Variants in ARHGAP15 observed in about 807,000 individuals in gnomAD.
ARHGAP15 encodes rho GTPase-activating protein 15.
In ARHGAP15, 51 loss-of-function variants were observed where a neutral mutation model predicts 63.7. That is an observed-to-expected ratio of 0.80 (90% CI 0.64 to 1.01). The LOEUF (loss-of-function observed/expected upper bound fraction) is 1.01. ARHGAP15 is among the 50% of genes least tolerant of loss of function. The pLI is 0.00. For synonymous variants in ARHGAP15, 191 were observed against 193.8 expected, an observed-to-expected ratio of 0.99 and a Z score of 0.12; for missense variants, 560 against 564.6, an observed-to-expected ratio of 0.99 and a Z score of 0.08.
chr2:143,394,155 T>G (rs1687661988), intron 6 of ARHGAP15, among the ~76,000 whole-genome samples: 1 of 152,210 alleles, frequency 6.6e-6, no homozygotes, highest in African/African-American at 2.4e-5. Context: ...TGGACTTCTT[T>G]GCTCATCCAG....
At chr2:143,508,206 C>T (rs1282241375) in intron 9 of ARHGAP15, among the ~76,000 whole-genome samples, 1 of 152,190 alleles carries the variant, frequency 6.6e-6, no homozygotes, top group East Asian at 1.9e-4. Flanking sequence ...TCAGGCCTTC[C>T]TGCTCCTCCT....
rs80136139 is a variant in ARHGAP15 at position 143,283,645 on chromosome 2, A to G, written c.474+33045A>G. ...AAGACATTTTACTTCCACCTGTAAT[A>G]ATATTAAGGCTTTACTTCTTCAACA... is the stretch of plus-strand genomic sequence containing the variant. On this transcript the variant is annotated intron_variant, in intron 6 of 13. Transcript: ENST00000295095. Among the ~76,000 whole-genome samples the G allele has an allele frequency of 3.8e-3, 582 of 152,266 alleles. 5 individuals carry two copies. Among genetic ancestry groups the G allele is most frequent in the African/African-American group, 0.013 (552 of 41,552 alleles).
intron 6 of ARHGAP15, among the ~76,000 whole-genome samples, chr2:143,385,752 T>TC (rs1410649542): frequency 6.6e-6 from 1 of 152,082 alleles, no homozygotes; most frequent in East Asian, 1.9e-4. Flanking sequence ...TTTGTTTGTA[T>TC]TAGATGAAAC....
At chr2:143,245,514 G>C (rs796157346) in intron 5 of ARHGAP15, among the ~76,000 whole-genome samples, 9 of 152,220 alleles carry the variant, frequency 5.9e-5, no homozygotes, top group African/African-American at 2.2e-4. Context: ...TGAGCAAACA[G>C]AGAACATGAA....
intron 10 of ARHGAP15, among the ~76,000 whole-genome samples, chr2:143,543,737 C>T (rs1421068156): frequency 6.6e-6 from 1 of 151,856 alleles, no homozygotes; most frequent in Non-Finnish European, 1.5e-5. Context: ...GACAAAATCC[C>T]CCAGAAGCTG....
rs201776612 is a variant in ARHGAP15, at chr2:143,248,842, TA to T, written c.385-1668del. 4.4e-4 allele frequency among the ~76,000 whole-genome samples: 67 copies of T among 152,296 alleles called. 1 individual carries two copies. The East Asian group carries it at 0.011, about 25-fold the overall frequency. ...ACGAATTATCAATAATTGTTGTACGTAGGTAAGTACCTGGAACATAAAAAGT... is the reference window on the plus strand; with the variant it reads ...ACGAATTATCAATAATTGTTGTACGTGGTAAGTACCTGGAACATAAAAAGT... On this transcript the variant is annotated intron_variant, in intron 5 of 13. Transcript: ENST00000295095.
intron 12 of ARHGAP15, among the ~76,000 whole-genome samples, chr2:143,626,465 C>A (rs1438280382): frequency 6.6e-6 from 1 of 152,114 alleles, no homozygotes; most frequent in East Asian, 1.9e-4. Context: ...TGTTACAGCT[C>A]TTTAAGATGG....
At chr2:143,604,486 T>C (rs994236747) in intron 11 of ARHGAP15, among the ~76,000 whole-genome samples, 2 of 152,216 alleles carry the variant, frequency 1.3e-5, no homozygotes, top group African/African-American at 4.8e-5. Context: ...TAACACAACC[T>C]GCCATTACAA....
intron 6 of ARHGAP15, among the ~76,000 whole-genome samples, chr2:143,413,065 T>G (rs1027790108): frequency 1.3e-5 from 2 of 152,212 alleles, no homozygotes; most frequent in African/African-American, 4.8e-5. Flanking sequence ...CTAGATTTAT[T>G]ATGGATCCAA....
At chr2:143,569,338 T>A (rs936582836) in intron 11 of ARHGAP15, among the ~76,000 whole-genome samples, 2 of 152,236 alleles carry the variant, frequency 1.3e-5, no homozygotes, top group Middle Eastern at 3.2e-3. Context: ...ATACACAAGA[T>A]AATTTCAGAT....
intron 8 of ARHGAP15, among the ~76,000 whole-genome samples, chr2:143,440,133 T>C (rs1264680292): frequency 6.6e-6 from 1 of 152,202 alleles, no homozygotes; most frequent in African/African-American, 2.4e-5. Context: ...TATGTATGTA[T>C]TCATTTTCAT....
intron 13 of ARHGAP15, among the ~76,000 whole-genome samples, chr2:143,767,049 C>T (rs2072945975): frequency 6.6e-6 from 1 of 152,134 alleles, no homozygotes; most frequent in African/African-American, 2.4e-5. Flanking sequence ...ACTCTTATTT[C>T]CCTTGGGTTT....
chr2:143,297,383 G>A (rs1329023329), intron 6 of ARHGAP15, among the ~76,000 whole-genome samples: 2 of 151,966 alleles, frequency 1.3e-5, no homozygotes, highest in Non-Finnish European at 2.9e-5. Flanking sequence ...GGTTGACTCT[G>A]CACCTTCCTG....
chr2:143,684,207 G>A (rs762298116), intron 12 of ARHGAP15, among the ~76,000 whole-genome samples: 5 of 152,120 alleles, frequency 3.3e-5, no homozygotes, highest in African/African-American at 1.2e-4. Context: ...GGACAGAATC[G>A]TTAACACAAA....
intron 10 of ARHGAP15, among the ~76,000 whole-genome samples, chr2:143,549,543 G>A (rs765574659): frequency 6.6e-6 from 1 of 152,066 alleles, no homozygotes; most frequent in Non-Finnish European, 1.5e-5. Context: ...TGTCAAGAGG[G>A]CAGTAAAGAA....
chr2:143,147,182 T>A (rs1046539650), intron 1 of ARHGAP15, among the ~76,000 whole-genome samples: 1 of 152,040 alleles, frequency 6.6e-6, no homozygotes, highest in African/African-American at 2.4e-5. Context: ...CCAACAAAGA[T>A]TAGAGAAGTA....
At chr2:143,597,424 C>T (rs996566947) in intron 11 of ARHGAP15, among the ~76,000 whole-genome samples, 25 of 152,150 alleles carry the variant, frequency 1.6e-4, no homozygotes, top group South Asian at 2.1e-4. Flanking sequence ...AATGTCTTAA[C>T]GTCACCTTTC....
At chr2:143,400,896 A>G (rs12998761) in intron 6 of ARHGAP15, among the ~76,000 whole-genome samples, 30,066 of 151,976 alleles carry the variant, frequency 0.2, 3,587 homozygotes, top group East Asian at 0.49. Context: ...ATTTCAGTGT[A>G]GAATGAAAGT....
intron 10 of ARHGAP15, among the ~76,000 whole-genome samples, chr2:143,551,831 T>G (rs1304231842): frequency 6.6e-6 from 1 of 152,156 alleles, no homozygotes; most frequent in Non-Finnish European, 1.5e-5. Flanking sequence ...GAATTTTAAA[T>G]TATATCCTGT....
Sources: allele counts gnomAD v4.1 joint callset (sites outside exome capture counted in the v4.1 genomes callset), GRCh38; gene constraint gnomAD v4.1.1; transcripts MANE v1.5; gene names NCBI Gene and HGNC (gene_info 2026-07-23, HGNC 2026-07-21).